DOCK2: variants seen among roughly 807,000 people sequenced by gnomAD.
The protein encoded by DOCK2 is dedicator of cytokinesis protein 2.
Under a neutral mutation model 248.9 loss-of-function variants are expected in DOCK2, and 87 were observed. The observed-to-expected ratio is 0.35, with a 90% CI of 0.29 to 0.42. DOCK2 has a LOEUF of 0.42. Ranked by LOEUF, DOCK2 falls within the 10% of genes least tolerant of loss-of-function variation. The pLI is 1.00. For synonymous variants in DOCK2, 805 were observed against 821.6 expected, an observed-to-expected ratio of 0.98 and a Z score of 0.35; for missense variants, 1,747 against 2,300.2, an observed-to-expected ratio of 0.76 and a Z score of 4.92.
chr5:169,706,084 A>T (rs1430322294), intron 14 of DOCK2, among the ~76,000 whole-genome samples: 1 of 152,198 alleles, frequency 6.6e-6, no homozygotes, highest in Non-Finnish European at 1.5e-5. Flanking sequence ...CAACACTGTT[A>T]TTTCTCTGAA....
chr5:169,848,081 A>G (rs1770417944), intron 27 of DOCK2, among the ~76,000 whole-genome samples: 1 of 152,218 alleles, frequency 6.6e-6, no homozygotes, highest in Non-Finnish European at 1.5e-5. Context: ...AAGATACTCC[A>G]TGATTTTATG....
At chr5:169,807,319 A>T (rs575484266) in intron 26 of DOCK2, among the ~76,000 whole-genome samples, 2 of 152,300 alleles carry the variant, frequency 1.3e-5, no homozygotes, top group Admixed American at 6.5e-5. Flanking sequence ...TCTGATCATT[A>T]GTCTGGACGG....
chr5:169,991,628 T>C (rs7700800), intron 29 of DOCK2, among the ~76,000 whole-genome samples: 148,962 of 152,354 alleles, frequency 0.98, 72,855 homozygotes, highest in Middle Eastern at 1. Context: ...ACGTGTTGGC[T>C]CTGGACCCAG....
intron 26 of DOCK2, among the ~76,000 whole-genome samples, chr5:169,835,255 G>A (rs975603032): frequency 7.2e-6 from 1 of 138,118 alleles, no homozygotes; most frequent in South Asian, 2.3e-4. Flanking sequence ...AGAGTGAAAT[G>A]CCTGGTTTTT....
intron 25 of DOCK2, among the ~76,000 whole-genome samples, chr5:169,767,477 A>C (rs1265601626): frequency 1.3e-5 from 2 of 152,170 alleles, no homozygotes; most frequent in Non-Finnish European, 2.9e-5. Flanking sequence ...ATGTCAGAAA[A>C]ATTTGAAAAA....
At position 169,818,689 on chromosome 5, in the gene DOCK2, C is replaced by T. The variant is rs540230491; in HGVS notation, c.2703+15483C>T. Among the ~76,000 whole-genome samples, 276 of 152,160 alleles carry T rather than the reference C, an allele frequency of 1.8e-3. 9 individuals are homozygous for T. The South Asian group carries it at 0.052, about 29-fold the overall frequency. On this transcript the variant is annotated intron_variant, in intron 26 of 51. Coordinates refer to ENST00000520908, the MANE Select transcript of DOCK2 (RefSeq NM_004946.3). ...GCAATATTTGATGCCAGGGCCTTTC[C>T]GCAGCTTTTGGGAAGTGTTGGGTTC...
chr5:169,783,167 A>G (rs1466830076), intron 25 of DOCK2, among the ~76,000 whole-genome samples: 1 of 152,254 alleles, frequency 6.6e-6, no homozygotes, highest in Non-Finnish European at 1.5e-5. Context: ...TAAAACCTCC[A>G]AAAGATTATT....
In DOCK2 at chr5:170,045,840, T is replaced by C. The variant is rs1168641898; in HGVS notation, c.3901T>C (p.Cys1301Arg). 1 of 1,614,142 alleles carries C rather than the reference T, an allele frequency of 6.2e-7. No homozygotes were observed. Among genetic ancestry groups the C allele is most frequent in the Non-Finnish European group, 8.5e-7 (1 of 1,180,012 alleles). Residue 1301 changes from cysteine (C) to arginine (R), a missense_variant, in exon 39 of 52, where the codon TGC becomes CGC. Coordinates refer to ENST00000520908, the MANE Select transcript of DOCK2 (RefSeq NM_004946.3). ...GATGTGGGAAGAGGCCATAAGTCTG[T>C]GCAAGGAGCTGGCGGAACAGTACGA... ...GKMWEEAISL[C>R]KELAEQYEME...
At chr5:169,882,902 T>C (rs1227487922) in intron 27 of DOCK2, 1 of 1,551,774 alleles carries the variant, frequency 6.4e-7, no homozygotes, top group Non-Finnish European at 8.7e-7. Flanking sequence ...TGATTGTTAC[T>C]TGATGAAGGA....
intron 30 of DOCK2, among the ~76,000 whole-genome samples, chr5:169,997,224 A>G (rs888958772): frequency 5.2e-5 from 7 of 134,806 alleles, no homozygotes; most frequent in African/African-American, 6.4e-5. Context: ...ATGCTTTACA[A>G]AGCAGTATTG....
intron 27 of DOCK2, among the ~76,000 whole-genome samples, chr5:169,926,265 T>C (rs1029924205): frequency 6.6e-6 from 1 of 152,240 alleles, no homozygotes; most frequent in Non-Finnish European, 1.5e-5. Context: ...ACCTGCCACC[T>C]GCAGACCCTG....
At chr5:169,976,249 G>A (rs113015219) in intron 27 of DOCK2, among the ~76,000 whole-genome samples, 161 of 152,302 alleles carry the variant, frequency 1.1e-3, no homozygotes, top group African/African-American at 3.7e-3. Flanking sequence ...AAGACGTGGC[G>A]GGTTTTTAAG....
chr5:169,865,357 A>G (rs910015495), intron 27 of DOCK2, among the ~76,000 whole-genome samples: 1 of 152,026 alleles, frequency 6.6e-6, no homozygotes, highest in Admixed American at 6.6e-5. Flanking sequence ...GCCTGTAGGG[A>G]GTGGGTGCTG....
At chr5:170,020,347 T>A (rs1161695095) in intron 33 of DOCK2, among the ~76,000 whole-genome samples, 1 of 152,226 alleles carries the variant, frequency 6.6e-6, no homozygotes, top group Non-Finnish European at 1.5e-5. Flanking sequence ...GAAGGTCTTT[T>A]CTCCCCATTC....
At chr5:169,966,590 C>T (rs1237103373) in intron 27 of DOCK2, among the ~76,000 whole-genome samples, 1 of 152,162 alleles carries the variant, frequency 6.6e-6, no homozygotes, top group African/African-American at 2.4e-5. Context: ...GAATTCAAAT[C>T]ACCACACTCA....
intron 29 of DOCK2, among the ~76,000 whole-genome samples, chr5:169,987,182 A>C (rs182735030): frequency 6.6e-6 from 1 of 152,340 alleles, no homozygotes; most frequent in Admixed American, 6.5e-5. Context: ...TAGAAGTTGC[A>C]GATATATTCC....
intron 25 of DOCK2, among the ~76,000 whole-genome samples, chr5:169,792,302 T>A (rs1344324651): frequency 6.6e-6 from 1 of 152,096 alleles, no homozygotes; most frequent in Middle Eastern, 3.4e-3. Flanking sequence ...TCCTCTTGCA[T>A]GAATTTGAAG....
chr5:169,737,329 A>G (rs262842), intron 22 of DOCK2, among the ~76,000 whole-genome samples: 48,793 of 151,964 alleles, frequency 0.32, 11,651 homozygotes, highest in African/African-American at 0.66. Context: ...ACATTGCCTA[A>G]AAGGGTAGGA....
intron 10 of DOCK2, among the ~76,000 whole-genome samples, chr5:169,696,910 T>G (rs527267359): frequency 6.6e-5 from 10 of 152,168 alleles, no homozygotes; most frequent in Non-Finnish European, 8.8e-5. Context: ...CTTAGTTTTA[T>G]TATGTGCAAA....
Sources: gnomAD v4.1 joint callset for allele counts (sites outside exome capture counted in the v4.1 genomes callset) on GRCh38, gnomAD v4.1.1 for gene constraint, MANE v1.5 for transcripts, NCBI Gene and HGNC (gene_info 2026-07-23, HGNC 2026-07-21) for gene names.